The following DNAJC1 variants were observed in gnomAD, a reference collection of about 807,000 sequenced individuals.
DNAJC1 encodes the protein DnaJ heat shock protein family (Hsp40) member C1.
In DNAJC1, 58 loss-of-function variants were observed where a neutral mutation model predicts 76.6. The ratio of observed to expected loss-of-function variants is 0.76; its 90% CI spans 0.61 to 0.94. The LOEUF is 0.94. DNAJC1 is among the 40% of genes least tolerant of loss of function. The probability of loss-of-function intolerance (pLI) is 0.00; values close to 1 mark genes in which losing one functional copy is unlikely to be tolerated. For synonymous variants in DNAJC1, 258 were observed against 267.9 expected (o/e 0.96, Z 0.36); for missense variants, 689 against 677.3 (o/e 1.02, Z -0.19).
chr10:21,758,345 A>G (rs1461212160), intron 11 of DNAJC1, among the ~76,000 whole-genome samples: 1 of 152,236 alleles, frequency 6.6e-6, no homozygotes, highest in African/African-American at 2.4e-5. Context: ...CAGGGAAAGA[A>G]GCCTCAAGAG....
intron 1 of DNAJC1, among the ~76,000 whole-genome samples, chr10:21,931,880 A>G (rs990112981): frequency 1.3e-5 from 2 of 152,156 alleles, no homozygotes; most frequent in Non-Finnish European, 2.9e-5. Context: ...AACTCTTTTC[A>G]TATTAGATCT....
intron 8 of DNAJC1, among the ~76,000 whole-genome samples, chr10:21,850,820 C>T (rs922764033): frequency 2.6e-5 from 4 of 152,088 alleles, no homozygotes; most frequent in African/African-American, 9.7e-5. Context: ...GGCATGAAGA[C>T]AGACACATAG....
intron 6 of DNAJC1, among the ~76,000 whole-genome samples, chr10:21,908,222 TA>T (rs1455946779): frequency 2.8e-5 from 2 of 72,054 alleles, no homozygotes; most frequent in Admixed American, 2.1e-4. Context: ...ATATTATATA[TA>T]ATATATATAA....
chr10:21,940,695 C>T lies in DNAJC1; in HGVS notation c.223-11554G>A, dbSNP rs1015965435. ...CTCTCCATAAGATTAAAAAAGTAAG[C>T]GTTCTCCAAAATATAGATAAACAAA... On this transcript the variant is annotated intron_variant, in intron 1 of 11. Transcript: ENST00000376980. Among the ~76,000 whole-genome samples the T allele has an allele frequency of 7.2e-5, 11 of 152,164 alleles. No individual in the cohort carries two copies. The East Asian group carries it at 1.5e-3, about 21-fold the overall frequency.
At chr10:21,908,393 T>C (rs1185601726) in intron 6 of DNAJC1, among the ~76,000 whole-genome samples, 5 of 146,440 alleles carry the variant, frequency 3.4e-5, no homozygotes, top group Non-Finnish European at 7.4e-5. Flanking sequence ...TGTTCTAAGG[T>C]ATGGCTATTC....
At chr10:21,896,073 T>C (rs1430731758) in intron 7 of DNAJC1, among the ~76,000 whole-genome samples, 1 of 152,168 alleles carries the variant, frequency 6.6e-6, no homozygotes, top group Non-Finnish European at 1.5e-5. Flanking sequence ...AGATGCCTCA[T>C]AGAGCCTTGG....
intron 1 of DNAJC1, among the ~76,000 whole-genome samples, chr10:21,981,717 A>G (rs1838162181): frequency 6.6e-6 from 1 of 152,190 alleles, no homozygotes; most frequent in Non-Finnish European, 1.5e-5. Context: ...GGAAAACTGG[A>G]TATCTGCATG....
At chr10:21,788,933 G>A (rs1356939408) in intron 9 of DNAJC1, among the ~76,000 whole-genome samples, 1 of 152,088 alleles carries the variant, frequency 6.6e-6, no homozygotes, top group Non-Finnish European at 1.5e-5. Flanking sequence ...AGCACTAAGA[G>A]CAACCTACAT....
At chr10:21,969,146 C>A (rs971988412) in intron 1 of DNAJC1, among the ~76,000 whole-genome samples, 6 of 150,236 alleles carry the variant, frequency 4.0e-5, no homozygotes, top group African/African-American at 1.5e-4. Context: ...ATTGCTTGAA[C>A]CCGGGAGGCA....
chr10:21,856,768 C>G (rs1179776288), intron 8 of DNAJC1, among the ~76,000 whole-genome samples: 3 of 151,858 alleles, frequency 2.0e-5, no homozygotes, highest in Non-Finnish European at 1.5e-5. Flanking sequence ...CAGAGTCTCA[C>G]TCTTCTCACC....
intron 8 of DNAJC1, among the ~76,000 whole-genome samples, chr10:21,881,886 G>A (rs1344478806): frequency 6.7e-6 from 1 of 149,814 alleles, no homozygotes; most frequent in Non-Finnish European, 1.5e-5. Flanking sequence ...CAGGCACGGT[G>A]GCTCACACCT....
intron 9 of DNAJC1, among the ~76,000 whole-genome samples, chr10:21,800,462 T>A (rs771421424): frequency 6.6e-6 from 1 of 152,170 alleles, no homozygotes; most frequent in Non-Finnish European, 1.5e-5. Context: ...AAAATAGATA[T>A]GAGTGAAAAG....
chr10:21,817,591 C>G (rs1835095639), intron 8 of DNAJC1, among the ~76,000 whole-genome samples: 1 of 151,984 alleles, frequency 6.6e-6, no homozygotes, highest in South Asian at 2.1e-4. Context: ...GAAGTTCATA[C>G]AAGAGCCAAA....
intron 8 of DNAJC1, among the ~76,000 whole-genome samples, chr10:21,834,782 C>T (rs1421084416): frequency 1.3e-5 from 2 of 152,206 alleles, no homozygotes; most frequent in East Asian, 1.9e-4. Flanking sequence ...GAGGGGCACC[C>T]GCCATTGCCA....
chr10:21,860,694 AAAAC>A (rs143159403), intron 8 of DNAJC1: 11,904 of 159,182 alleles, frequency 0.075, 541 homozygotes, highest in Middle Eastern at 0.086. Flanking sequence ...ACTCTGTCTC[AAAAC>A]AAACAAACAA....
intron 9 of DNAJC1, among the ~76,000 whole-genome samples, chr10:21,768,379 T>A (rs1589972783): frequency 6.6e-6 from 1 of 152,230 alleles, no homozygotes; most frequent in African/African-American, 2.4e-5. Flanking sequence ...GTCAGGCAGA[T>A]CTGCTCTTCA....
intron 7 of DNAJC1, among the ~76,000 whole-genome samples, chr10:21,903,331 T>C (rs1173396339): frequency 6.6e-6 from 1 of 152,244 alleles, no homozygotes; most frequent in African/African-American, 2.4e-5. Context: ...TATATAAAAA[T>C]GACAAGAGTT....
intron 8 of DNAJC1, among the ~76,000 whole-genome samples, chr10:21,812,177 G>C (rs1280056610): frequency 6.6e-6 from 1 of 151,520 alleles, no homozygotes; most frequent in Non-Finnish European, 1.5e-5. Flanking sequence ...TCCTGCCTCA[G>C]CCTCCCGAGT....
At chr10:21,874,413 C>G (rs1405080252) in intron 8 of DNAJC1, among the ~76,000 whole-genome samples, 4 of 141,942 alleles carry the variant, frequency 2.8e-5, no homozygotes, top group Non-Finnish European at 6.1e-5. Flanking sequence ...ACAGAGCAAA[C>G]AGAGTAAGAC....
Sources: gnomAD v4.1 joint callset for allele counts (sites outside exome capture counted in the v4.1 genomes callset) on GRCh38, gnomAD v4.1.1 for gene constraint, MANE v1.5 for transcripts, NCBI Gene and HGNC (gene_info 2026-07-23, HGNC 2026-07-21) for gene names.